The following MGST2 variants were observed in gnomAD, a reference collection of about 807,000 sequenced individuals.
MGST2 encodes microsomal glutathione S-transferase 2.
In MGST2, 9 loss-of-function variants were observed where a neutral mutation model predicts 16.6. That is an observed-to-expected ratio of 0.54 (90% confidence interval 0.33 to 0.95). The LOEUF (loss-of-function observed/expected upper bound fraction) is 0.95. MGST2 is among the 40% of genes least tolerant of loss of function. The pLI is 0.03. For synonymous variants in MGST2, 79 were observed against 68.0 expected, an observed-to-expected ratio of 1.16 and a Z score of -0.79; for missense variants, 159 against 175.1, an observed-to-expected ratio of 0.91 and a Z score of 0.52.
In MGST2 at chr4:139,704,215, T is replaced by C; in HGVS notation, c.*67T>C. 6.4e-7 allele frequency: 1 copy of C among 1,574,684 alleles called. No homozygotes were observed. The highest frequency in any genetic ancestry group is 8.7e-7 in the Non-Finnish European group (1 of 1,145,012). On this transcript the variant is annotated 3_prime_UTR_variant, in exon 5 of 5. Transcript: ENST00000265498. ...CATGAAGGTAATATGGTATCATTTG[T>C]TAAATAAAAATAAAGTCTTTATTCT...
At chr4:139,741,286 G>A (rs556082701), downstream of MGST2, among the ~76,000 whole-genome samples, 17 of 152,284 alleles carry the variant, frequency 1.1e-4, no homozygotes, top group South Asian at 2.5e-3. Flanking sequence ...CTCATACCTG[G>A]TCCGTGAGGG....
chr4:139,745,707 G>A (rs1307875933), downstream of MGST2, among the ~76,000 whole-genome samples: 1 of 152,140 alleles, frequency 6.6e-6, no homozygotes, highest in Non-Finnish European at 1.5e-5. Context: ...TAAAAATAAT[G>A]CTAGTTTTTC....
In MGST2 at chr4:139,687,416, G is replaced by C. The variant is rs115697189; in HGVS notation, c.159-7781G>C. On this transcript the variant is annotated intron_variant, in intron 2 of 4. Coordinates refer to ENST00000265498, the MANE Select transcript of MGST2 (RefSeq NM_002413.5). ...AGCCATTTAGACTTTATCTGAAGTA[G>C]TTAGAGCAGAATTCCCTGGGATAAC... 6.8e-3 allele frequency among the ~76,000 whole-genome samples: 1,038 copies of C among 152,334 alleles called. 7 individuals are homozygous for C. Among genetic ancestry groups the C allele is most frequent in the African/African-American group, 0.023 (951 of 41,578 alleles).
downstream of MGST2, among the ~76,000 whole-genome samples, chr4:139,743,094 C>G (rs1032499144): frequency 6.6e-6 from 1 of 152,186 alleles, no homozygotes; most frequent in Admixed American, 6.5e-5. Flanking sequence ...GACTTCATAC[C>G]CACCTTCACT....
downstream of MGST2, among the ~76,000 whole-genome samples, chr4:139,744,661 G>A (rs1313098525): frequency 6.6e-6 from 1 of 152,202 alleles, no homozygotes; most frequent in South Asian, 2.1e-4. Context: ...CAGCACAATG[G>A]CAGGGGCTAT....
At chr4:139,717,701 C>T (rs1296646552) in intron 5 of MGST2, 2 of 152,340 alleles carry the variant, frequency 1.3e-5, no homozygotes, top group African/African-American at 4.8e-5. Context: ...GGCTCCGACT[C>T]TTCCGTAGTG....
intron 5 of MGST2, among the ~76,000 whole-genome samples, chr4:139,726,089 C>A (rs966004998): frequency 2.0e-5 from 3 of 152,338 alleles, no homozygotes; most frequent in Admixed American, 2.0e-4. Flanking sequence ...GTGCCCCTTC[C>A]AGTCATCACT....
intron 2 of MGST2, among the ~76,000 whole-genome samples, chr4:139,692,915 T>C (rs1034572669): frequency 6.6e-6 from 1 of 152,222 alleles, no homozygotes; most frequent in Non-Finnish European, 1.5e-5. Context: ...CCAAGGCCAC[T>C]AGAAAAACCT....
intron 5 of MGST2, among the ~76,000 whole-genome samples, chr4:139,733,311 C>T (rs903366691): frequency 1.3e-5 from 2 of 152,070 alleles, no homozygotes; most frequent in Non-Finnish European, 2.9e-5. Context: ...TTTTCTTCAG[C>T]TTGATTTTTT....
At chr4:139,708,444 C>CA (rs199885601), downstream of MGST2, among the ~76,000 whole-genome samples, 6,361 of 152,252 alleles carry the variant, frequency 0.042, 351 homozygotes, top group Admixed American at 0.17. Flanking sequence ...GTACCAGTAC[C>CA]ATGCTGTTTT....
At chr4:139,689,859 A>G (rs1048335619) in intron 2 of MGST2, among the ~76,000 whole-genome samples, 5 of 152,244 alleles carry the variant, frequency 3.3e-5, no homozygotes, top group African/African-American at 9.6e-5. Context: ...AGAAATATTC[A>G]TAAAAAGTTT....
At chr4:139,698,638 A>C in intron 3 of MGST2, 1 of 859,996 alleles carries the variant, frequency 1.2e-6, no homozygotes, top group South Asian at 1.4e-5. Flanking sequence ...TGGAGAGCCA[A>C]GTATGTGTTT....
At chr4:139,723,905 A>G (rs1472853577) in intron 5 of MGST2, among the ~76,000 whole-genome samples, 2 of 152,228 alleles carry the variant, frequency 1.3e-5, no homozygotes, top group Non-Finnish European at 1.5e-5. Flanking sequence ...GATTTACTGA[A>G]TCAGAAACAC....
At chr4:139,691,518 G>A (rs1170601936) in intron 2 of MGST2, among the ~76,000 whole-genome samples, 1 of 152,088 alleles carries the variant, frequency 6.6e-6, no homozygotes, top group Non-Finnish European at 1.5e-5. Flanking sequence ...GAAGGACATG[G>A]TCACATGGTG....
chr4:139,677,538 G>T (rs904526934), intron 1 of MGST2, among the ~76,000 whole-genome samples: 202 of 148,680 alleles, frequency 1.4e-3, no homozygotes, highest in African/African-American at 4.4e-3. Context: ...TTTCACTCTT[G>T]TTGTCCAGGC....
chr4:139,723,046 G>C (rs935905075), intron 5 of MGST2, among the ~76,000 whole-genome samples: 27 of 152,194 alleles, frequency 1.8e-4, no homozygotes, highest in African/African-American at 6.5e-4. Flanking sequence ...TAGCCCCAAA[G>C]GTGAATTCTC....
intron 2 of MGST2, among the ~76,000 whole-genome samples, chr4:139,691,713 ATT>A (rs1726608167): frequency 6.8e-6 from 1 of 147,814 alleles, no homozygotes; most frequent in African/African-American, 2.5e-5. Flanking sequence ...TATTATTATT[ATT>A]TGAGACGGAA....
At position 139,693,377 on chromosome 4, in the gene MGST2, C is replaced by A. The variant is rs1002571044; in HGVS notation, c.159-1820C>A. On this transcript the variant is annotated intron_variant, in intron 2 of 4. Coordinates refer to ENST00000265498, the MANE Select transcript of MGST2 (RefSeq NM_002413.5). ...CCGAGATCGTGCCACTGCACTCCAG[C>A]CTGGGCGACAGAGCAAGACTACGTC... Among the ~76,000 whole-genome samples, 15 of 149,318 alleles carry A rather than the reference C, an allele frequency of 1.0e-4. 1 individual carries two copies. The South Asian group carries it at 1.9e-3, about 19-fold the overall frequency.
At chr4:139,711,443 A>C (rs1402745556) in intron 5 of MGST2, among the ~76,000 whole-genome samples, 1 of 152,168 alleles carries the variant, frequency 6.6e-6, no homozygotes, top group Non-Finnish European at 1.5e-5. Context: ...TTTTATGGTT[A>C]TCTCTTGATG....
Sources: gnomAD v4.1 joint callset for allele counts (sites outside exome capture counted in the v4.1 genomes callset) on GRCh38, gnomAD v4.1.1 for gene constraint, MANE v1.5 for transcripts, NCBI Gene and HGNC (gene_info 2026-07-23, HGNC 2026-07-21) for gene names.